Variants in PLEKHM3 observed in about 807,000 individuals in gnomAD.
The protein encoded by PLEKHM3 is pleckstrin homology domain-containing family M member 3.
Under a neutral mutation model 81.8 loss-of-function variants are expected in PLEKHM3, and 45 were observed. The observed-to-expected ratio is 0.55, with a 90% CI of 0.43 to 0.71. The LOEUF (loss-of-function observed/expected upper bound fraction) is 0.71, where lower values mean the gene tolerates loss of function less well. PLEKHM3 is among the 30% of genes least tolerant of loss of function. PLEKHM3 has a pLI of 0.00. For missense variants in PLEKHM3, 788 were observed against 924.3 expected (o/e 0.85, Z 1.91); for synonymous variants, 352 against 356.4 (o/e 0.99, Z 0.14).
chr2:207,833,850 G>A (rs1320453303), intron 7 of PLEKHM3, among the ~76,000 whole-genome samples: 1 of 152,144 alleles, frequency 6.6e-6, no homozygotes, highest in African/African-American at 2.4e-5. Context: ...GTCACCTGCT[G>A]GCTTACGTTC....
chr2:207,856,949 T>G (rs1340643955), intron 7 of PLEKHM3, among the ~76,000 whole-genome samples: 1 of 152,230 alleles, frequency 6.6e-6, no homozygotes, highest in Non-Finnish European at 1.5e-5. Context: ...TGTTCAGATT[T>G]TTTTTAATGG....
At chr2:207,910,954 G>A (rs1688792625) in intron 5 of PLEKHM3, among the ~76,000 whole-genome samples, 1 of 152,182 alleles carries the variant, frequency 6.6e-6, no homozygotes, top group South Asian at 2.1e-4. Flanking sequence ...CTGAAGTATA[G>A]AGCCTGGGGA....
chr2:207,907,007 A>C (rs1688632372), intron 6 of PLEKHM3, among the ~76,000 whole-genome samples: 1 of 152,190 alleles, frequency 6.6e-6, no homozygotes, highest in Admixed American at 6.5e-5. Context: ...GAATCACAGC[A>C]GTTTGAGATA....
chr2:207,989,807 C>T (rs1691839825), intron 2 of PLEKHM3, among the ~76,000 whole-genome samples: 2 of 152,246 alleles, frequency 1.3e-5, no homozygotes, highest in Admixed American at 1.3e-4. Flanking sequence ...GAGGATGCAA[C>T]TTAGTTGCGT....
intron 6 of PLEKHM3, among the ~76,000 whole-genome samples, chr2:207,893,623 G>C (rs888044218): frequency 6.6e-6 from 1 of 152,144 alleles, no homozygotes; most frequent in African/African-American, 2.4e-5. Flanking sequence ...GAAGGGGATA[G>C]GAATTAAAAT....
At chr2:207,973,896 T>C (rs1266144168) in intron 3 of PLEKHM3, among the ~76,000 whole-genome samples, 3 of 152,182 alleles carry the variant, frequency 2.0e-5, no homozygotes, top group African/African-American at 7.2e-5. Flanking sequence ...TTCTTTTTTT[T>C]TGGAATGTGC....
At chr2:207,963,527 G>C (rs1690809695) in intron 3 of PLEKHM3, among the ~76,000 whole-genome samples, 1 of 152,162 alleles carries the variant, frequency 6.6e-6, no homozygotes, top group Non-Finnish European at 1.5e-5. Flanking sequence ...AGGAAAACTG[G>C]TTAGAAGGTC....
chr2:207,963,808 G>A (rs1404760850), intron 3 of PLEKHM3, among the ~76,000 whole-genome samples: 1 of 152,198 alleles, frequency 6.6e-6, no homozygotes, highest in Non-Finnish European at 1.5e-5. Flanking sequence ...AGATGTTTCA[G>A]CAGATTGATA....
chr2:207,999,198 G>A (rs1194885901), intron 2 of PLEKHM3, among the ~76,000 whole-genome samples: 3 of 151,942 alleles, frequency 2.0e-5, no homozygotes, highest in Admixed American at 2.0e-4. Context: ...GTCCAGACTG[G>A]TCTCTGACCT....
intron 6 of PLEKHM3, among the ~76,000 whole-genome samples, chr2:207,904,475 C>CTA (rs1315572062): frequency 6.6e-6 from 1 of 152,126 alleles, no homozygotes. Context: ...CAGATAATGA[C>CTA]TATATTCAAC....
intron 7 of PLEKHM3, among the ~76,000 whole-genome samples, chr2:207,849,889 G>T (rs1368724376): frequency 6.6e-6 from 1 of 152,214 alleles, no homozygotes; most frequent in Non-Finnish European, 1.5e-5. Flanking sequence ...TCCATTTCGT[G>T]TTGGTAAAAC....
intron 2 of PLEKHM3, among the ~76,000 whole-genome samples, chr2:207,981,142 G>A (rs1432450929): frequency 2.7e-5 from 4 of 148,762 alleles, no homozygotes; most frequent in Non-Finnish European, 3.0e-5. Context: ...AAAAAAAAAA[G>A]AAAAAAAGAA....
rs1213201176 is a variant in PLEKHM3 at position 207,826,806 on chromosome 2, GC to G, written c.*1512del. 5 of 152,186 alleles carry G rather than the reference GC, an allele frequency of 3.3e-5. No individual in the cohort carries two copies. The highest frequency in any genetic ancestry group is 7.3e-5 in the Non-Finnish European group (5 of 68,050). 9.4% of individuals were successfully genotyped at this position (152,186 alleles called of 1,614,324 possible). ...TGAAGACATAGAAGGCATCTGCTCAGCGCGAAAGCTACAGAATCTTCTCATA... is the reference window on the plus strand; with the variant it reads ...TGAAGACATAGAAGGCATCTGCTCAGGCGAAAGCTACAGAATCTTCTCATA... On this transcript the variant is annotated 3_prime_UTR_variant, in exon 8 of 8. Transcript: ENST00000427836.
chr2:207,960,346 C>T (rs1690686173), intron 3 of PLEKHM3, among the ~76,000 whole-genome samples: 2 of 152,184 alleles, frequency 1.3e-5, no homozygotes, highest in African/African-American at 4.8e-5. Context: ...TCATGGCCTT[C>T]AGGAAGCAGG....
intron 3 of PLEKHM3, among the ~76,000 whole-genome samples, chr2:207,957,274 T>C (rs1690546423): frequency 1.3e-5 from 2 of 152,218 alleles, no homozygotes; most frequent in Admixed American, 6.5e-5. Flanking sequence ...GTTTGAATTG[T>C]ATATTCTGTT....
intron 5 of PLEKHM3, chr2:207,929,865 C>A: frequency 1.4e-6 from 1 of 693,104 alleles, no homozygotes; most frequent in Non-Finnish European, 2.6e-6. Context: ...CACTTCAATA[C>A]TTTCCAAAAG....
intron 3 of PLEKHM3, among the ~76,000 whole-genome samples, chr2:207,948,449 G>C (rs1424376607): frequency 6.9e-6 from 1 of 145,556 alleles, no homozygotes; most frequent in Non-Finnish European, 1.5e-5. Flanking sequence ...TCCACCTTCC[G>C]GGTTCAAGCG....
intron 6 of PLEKHM3, among the ~76,000 whole-genome samples, chr2:207,878,997 A>T (rs2092573266): frequency 1.3e-5 from 2 of 152,048 alleles, no homozygotes; most frequent in South Asian, 4.1e-4. Context: ...ATGTACTCAT[A>T]TTCTGCTCTT....
At chr2:207,860,203 GTGTA>G (rs1232020945) in intron 7 of PLEKHM3, among the ~76,000 whole-genome samples, 11 of 144,302 alleles carry the variant, frequency 7.6e-5, no homozygotes, top group African/African-American at 2.8e-4. Flanking sequence ...GTGTGTGTGT[GTGTA>G]TCTGCATGTC....
Sources: gnomAD v4.1 joint callset for allele counts (sites outside exome capture counted in the v4.1 genomes callset) on GRCh38, gnomAD v4.1.1 for gene constraint, MANE v1.5 for transcripts, NCBI Gene and HGNC (gene_info 2026-07-23, HGNC 2026-07-21) for gene names.